CYB5B: variants seen among roughly 807,000 people sequenced by gnomAD.
CYB5B encodes cytochrome b5 type B.
CYB5B carries 14 observed loss-of-function variants against 21.3 expected under a neutral mutation model. The observed-to-expected ratio is 0.66, with a 90% CI of 0.43 to 1.03. The LOEUF (loss-of-function observed/expected upper bound fraction) is 1.03, where lower values mean the gene tolerates loss of function less well. Among genes scored for constraint, CYB5B ranks in the 50% least tolerant of loss-of-function variants. CYB5B has a pLI of 0.00. For missense variants in CYB5B, 166 were observed against 185.1 expected (o/e 0.90, Z 0.60); for synonymous variants, 69 against 68.4 (o/e 1.01, Z -0.04).
At chr16:69,457,438 AT>A (rs1260981515) in intron 3 of CYB5B, among the ~76,000 whole-genome samples, 1 of 152,154 alleles carries the variant, frequency 6.6e-6, no homozygotes, top group Non-Finnish European at 1.5e-5. Context: ...TCTATAAATC[AT>A]TGGTATTTAT....
chr16:69,452,719 A>G (rs948038721), intron 3 of CYB5B, among the ~76,000 whole-genome samples: 2 of 151,516 alleles, frequency 1.3e-5, no homozygotes, highest in Non-Finnish European at 2.9e-5. Context: ...GTTTATTAAC[A>G]TCTTTTGGGC....
intron 1 of CYB5B, among the ~76,000 whole-genome samples, chr16:69,430,925 G>A (rs892938612): frequency 2.0e-5 from 3 of 151,748 alleles, no homozygotes; most frequent in Admixed American, 6.6e-5. Context: ...CACCCGCCTC[G>A]GCCTCCCAAA....
chr16:69,461,288 C>T lies in CYB5B; in HGVS notation c.363-1142C>T, dbSNP rs369279022. ...TACTTTTGGATTCTTCAGTCTCTTG[C>T]GGTTACTCTTCAAGGAGTCTGAATT... On this transcript the variant is annotated intron_variant, in intron 4 of 4. Coordinates refer to ENST00000307892, the MANE Select transcript of CYB5B (RefSeq NM_030579.3). 5.9e-4 allele frequency among the ~76,000 whole-genome samples: 90 copies of T among 152,064 alleles called. 2 individuals carry two copies. The South Asian group carries it at 0.017, about 29-fold the overall frequency.
At chr16:69,432,997 C>T (rs1014490516) in intron 1 of CYB5B, among the ~76,000 whole-genome samples, 8 of 152,076 alleles carry the variant, frequency 5.3e-5, no homozygotes, top group East Asian at 1.9e-4. Context: ...GGGGTTTTGC[C>T]GTGTTGGCCG....
intron 1 of CYB5B, among the ~76,000 whole-genome samples, chr16:69,427,098 G>A (rs1309988614): frequency 6.6e-6 from 1 of 152,114 alleles, no homozygotes; most frequent in Non-Finnish European, 1.5e-5. Context: ...AAATAAGCCA[G>A]GCTTGGTGGC....
At chr16:69,455,788 T>G (rs2014978536) in intron 3 of CYB5B, among the ~76,000 whole-genome samples, 1 of 152,140 alleles carries the variant, frequency 6.6e-6, no homozygotes, top group African/African-American at 2.4e-5. Context: ...ATTACTCCTC[T>G]ATGTAGCTGG....
At chr16:69,435,742 A>G (rs1206182431) in intron 1 of CYB5B, among the ~76,000 whole-genome samples, 3 of 152,010 alleles carry the variant, frequency 2.0e-5, no homozygotes, top group East Asian at 3.9e-4. Context: ...GGTTCAAGCA[A>G]TTCTTCTGCC....
chr16:69,455,762 G>A (rs1271706267), intron 3 of CYB5B, among the ~76,000 whole-genome samples: 2 of 151,950 alleles, frequency 1.3e-5, no homozygotes, highest in African/African-American at 2.4e-5. Flanking sequence ...CTTATGGTGC[G>A]ACAAGGATCT....
At chr16:69,448,257 A>C in intron 3 of CYB5B, 113 bp downstream of exon 3, 3 of 1,274,298 alleles carry the variant, frequency 2.4e-6, no homozygotes, top group Non-Finnish European at 3.3e-6. Context: ...CTTTTTCCCC[A>C]AGCAAAAATC....
rs560915278 is a variant in CYB5B at position 69,465,663 on chromosome 16, T to C, written c.*3143T>C. The C allele has an allele frequency of 1.3e-5, 2 of 152,346 alleles. No homozygotes were observed. Among genetic ancestry groups the C allele is most frequent in the South Asian group, 2.1e-4 (1 of 4,830 alleles). 9.4% of individuals were successfully genotyped at this position (152,346 alleles called of 1,614,324 possible). A position where few individuals can be genotyped will look rare whatever the true frequency, so the allele number is the denominator to read the frequency against. On this transcript the variant is annotated 3_prime_UTR_variant, in exon 5 of 5. Coordinates refer to ENST00000307892, the MANE Select transcript of CYB5B (RefSeq NM_030579.3). ...TACAGGCCTGGAGTATCATTACTTA[T>C]GGTATCTCCTGCTTTAAAATCTCAA...
In CYB5B at chr16:69,442,617, A is replaced by G. The variant is rs1409019952; in HGVS notation, c.175-4533A>G. Among the ~76,000 whole-genome samples the G allele has an allele frequency of 5.3e-5, 8 of 151,138 alleles. No individual in the cohort carries two copies. The South Asian group carries it at 1.3e-3, about 24-fold the overall frequency. On this transcript the variant is annotated intron_variant, in intron 1 of 4. Transcript: ENST00000307892. ...ATGCCTCGAATTCCTTGGCTTCTGG[A>G]TGATCCTCCTAATTCAGCTTCCTGA...
chr16:69,436,721 T>C (rs2014763644), intron 1 of CYB5B, among the ~76,000 whole-genome samples: 2 of 152,342 alleles, frequency 1.3e-5, no homozygotes, highest in Non-Finnish European at 1.5e-5. Flanking sequence ...TTTCTGGATT[T>C]CATTTTCCAT....
chr16:69,455,431 G>C (rs543770741), intron 3 of CYB5B, among the ~76,000 whole-genome samples: 2 of 140,522 alleles, frequency 1.4e-5, no homozygotes, highest in African/African-American at 5.4e-5. Flanking sequence ...GTGGGGGGAC[G>C]AAATCTCACT....
At chr16:69,433,515 G>C (rs1199938958) in intron 1 of CYB5B, among the ~76,000 whole-genome samples, 1 of 152,070 alleles carries the variant, frequency 6.6e-6, no homozygotes. Flanking sequence ...TCTTTCCATA[G>C]CAATAACTGG....
Position 69,447,182 on chromosome 16 carries a change from A to G in CYB5B, c.207A>G (p.Gln69=). 6.2e-7 allele frequency: 1 copy of G among 1,614,164 alleles called. No homozygotes were observed. Among genetic ancestry groups the G allele is most frequent in the South Asian group, 1.1e-5 (1 of 91,072 alleles). Reference sequence around the variant, plus strand: ...GAGGAGAAGAGGTTCTGCTGGAACAAGCTGGTGTAGATGCAAGTGAAAGCT... The same window carrying G: ...GAGGAGAAGAGGTTCTGCTGGAACAGGCTGGTGTAGATGCAAGTGAAAGCT... ...HPGGEEVLLE[Q]AGVDASESFE... Residue 69 remains glutamine, a synonymous_variant, in exon 2 of 5, where the codon CAA becomes CAG. Coordinates refer to ENST00000307892, the MANE Select transcript of CYB5B (RefSeq NM_030579.3).
chr16:69,439,318 C>T (rs759134139), intron 1 of CYB5B, among the ~76,000 whole-genome samples: 2 of 152,054 alleles, frequency 1.3e-5, no homozygotes, highest in African/African-American at 4.8e-5. Flanking sequence ...TCAAGCGATT[C>T]GACTGCCTCA....
At chr16:69,458,352 C>T (rs568538955) in intron 3 of CYB5B, among the ~76,000 whole-genome samples, 2 of 152,236 alleles carry the variant, frequency 1.3e-5, no homozygotes, top group African/African-American at 4.8e-5. Context: ...CTACTTCTAA[C>T]TCTATTGATT....
At chr16:69,437,543 C>T (rs904737726) in intron 1 of CYB5B, among the ~76,000 whole-genome samples, 2 of 152,046 alleles carry the variant, frequency 1.3e-5, no homozygotes, top group African/African-American at 4.8e-5. Flanking sequence ...CAGACAAAAG[C>T]ACATTTTTAG....
intron 1 of CYB5B, among the ~76,000 whole-genome samples, chr16:69,438,382 T>A (rs1368478063): frequency 6.6e-6 from 1 of 152,230 alleles, no homozygotes; most frequent in African/African-American, 2.4e-5. Flanking sequence ...TCTGTGTGAA[T>A]CTGTTTTTAA....
Sources: gnomAD v4.1 joint callset for allele counts (sites outside exome capture counted in the v4.1 genomes callset) on GRCh38, gnomAD v4.1.1 for gene constraint, MANE v1.5 for transcripts, NCBI Gene and HGNC (gene_info 2026-07-23, HGNC 2026-07-21) for gene names.